HERC2: variants seen among roughly 807,000 people sequenced by gnomAD.
HERC2 encodes the protein E3 ubiquitin-protein ligase HERC2.
A neutral mutation model predicts 537.7 loss-of-function variants in HERC2; 102 were observed. The observed-to-expected ratio is 0.19, with a 90% CI of 0.16 to 0.22. The LOEUF (loss-of-function observed/expected upper bound fraction) is 0.22. HERC2 is among the 10% of genes least tolerant of loss of function. HERC2 has a pLI of 1.00. For missense variants in HERC2, 4,236 were observed against 6,198.2 expected (o/e 0.68, Z 10.63); for synonymous variants, 2,224 against 2,466.2 (o/e 0.90, Z 2.91).
chr15:28,176,617 A>G lies in HERC2; in HGVS notation c.9515-18T>C, dbSNP rs1895314899. 1.9e-6 allele frequency: 3 copies of G among 1,614,020 alleles called. No homozygotes were observed. Among genetic ancestry groups the G allele is most frequent in the Non-Finnish European group, 2.5e-6 (3 of 1,179,970 alleles). ...TACCAAACCTAGGTTTAAGAAACACATATACTTCAGGCCAGCGTTTCATAT... is the reference window on the plus strand; with the variant it reads ...TACCAAACCTAGGTTTAAGAAACACGTATACTTCAGGCCAGCGTTTCATAT... On this transcript the variant is annotated intron_variant, in intron 62 of 92. Coordinates refer to ENST00000261609, the MANE Select transcript of HERC2 (RefSeq NM_004667.6). This position sits in a 1 kb window ranked among gnomAD's most constrained non-coding sequence, Gnocchi z 5.0.
Position 28,141,781 on chromosome 15 carries a change from A to G in HERC2, c.11766T>C (p.His3922=). The change falls in exon 77 of 93, where the codon CAT becomes CAC. Residue 3922 remains histidine, a synonymous_variant. Transcript: ENST00000261609. ...SENMDVLHES[H]DIFKREQDEQ... is the part of the protein sequence containing the mutation. ...CGTCTTGCTCTCTTTTAAAAATGTC[A>G]TGGCTCTCATGCAGAACATCCATGT... 2 of 1,614,174 alleles carry G rather than the reference A, an allele frequency of 1.2e-6. No individual in the cohort carries two copies. The highest frequency in any genetic ancestry group is 1.7e-6 in the Non-Finnish European group (2 of 1,180,044).
chr15:28,312,712 G>A (rs2076980708), intron 2 of HERC2: 1 of 234,138 alleles, frequency 4.3e-6, no homozygotes, highest in South Asian at 1.5e-4. Flanking sequence ...TTCTACAACT[G>A]TCTCCAATTA....
chr15:28,210,769 G>T (rs1332407973), intron 44 of HERC2, among the ~76,000 whole-genome samples: 1 of 151,988 alleles, frequency 6.6e-6, no homozygotes, highest in Non-Finnish European at 1.5e-5. Flanking sequence ...CACTTTAAAT[G>T]GGAAGGCATG....
intron 2 of HERC2, among the ~76,000 whole-genome samples, chr15:28,309,267 C>A (rs1439240078): frequency 1.3e-5 from 2 of 152,012 alleles, no homozygotes; most frequent in Non-Finnish European, 2.9e-5. Context: ...AGTGTTGAAG[C>A]CTCCATCTAT....
rs1567080939 is a variant in HERC2, at chr15:28,257,198, T to C, written c.2380A>G (p.Ile794Val). The change falls in exon 17 of 93, where the codon ATC becomes GTC. Residue 794 changes from isoleucine to valine, a missense_variant. Transcript: ENST00000261609. ...AGCTGCTCAAAAGTCATTGAGCAGA[T>C]GTCCACCACAAAAGGGACACGGAGG... ...IGLRVPFVVD[I>V]CSMTFEQLDL... 1.2e-6 allele frequency: 2 copies of C among 1,613,982 alleles called. No individual in the cohort carries two copies. Among genetic ancestry groups the C allele is most frequent in the African/African-American group, 1.3e-5 (1 of 75,048 alleles).
chr15:28,205,041 T>G (rs183195579), intron 45 of HERC2, among the ~76,000 whole-genome samples: 2,204 of 149,532 alleles, frequency 0.015, 57 homozygotes, highest in African/African-American at 0.054. Context: ...GGGCGGGGTG[T>G]GCCACCATTG....
chr15:28,277,933 T>C (rs940401073), intron 5 of HERC2, among the ~76,000 whole-genome samples: 11 of 152,088 alleles, frequency 7.2e-5, no homozygotes, highest in African/African-American at 2.2e-4. Context: ...AGTATTTGCA[T>C]ATAACCTGTG....
intron 57 of HERC2, among the ~76,000 whole-genome samples, chr15:28,180,007 G>A (rs2140178796): frequency 6.6e-6 from 1 of 152,248 alleles, no homozygotes; most frequent in Middle Eastern, 3.4e-3. Context: ...TAAGCATATA[G>A]TGTTTCTAAA....
At chr15:28,153,151 C>G (rs1444530210) in intron 69 of HERC2, among the ~76,000 whole-genome samples, 1 of 152,152 alleles carries the variant, frequency 6.6e-6, no homozygotes, top group Non-Finnish European at 1.5e-5. Flanking sequence ...GTCAGGAGTT[C>G]GAGATCAGCC....
At chr15:28,234,010 A>G in intron 27 of HERC2, 60 bp downstream of exon 27, 1 of 650,886 alleles carries the variant, frequency 1.5e-6, no homozygotes, top group Non-Finnish European at 2.8e-6. Context: ...AAGTATTCCT[A>G]TGTCAAAGTC....
chr15:28,286,177 G>C (rs1346609228), intron 4 of HERC2, among the ~76,000 whole-genome samples: 3 of 151,978 alleles, frequency 2.0e-5, no homozygotes, highest in African/African-American at 2.4e-5. Context: ...ATTTTAAGAA[G>C]CTACTATTAA....
intron 23 of HERC2, among the ~76,000 whole-genome samples, chr15:28,245,624 C>G (rs1903623363): frequency 1.3e-5 from 2 of 150,348 alleles, no homozygotes; most frequent in Admixed American, 6.7e-5. Flanking sequence ...TATACACACA[C>G]ATATATGTAC....
intron 55 of HERC2, among the ~76,000 whole-genome samples, chr15:28,189,943 T>A (rs1307729144): frequency 6.6e-6 from 1 of 152,056 alleles, no homozygotes; most frequent in Non-Finnish European, 1.5e-5. Flanking sequence ...TTATCTGCTA[T>A]CATTATAATT....
intron 68 of HERC2, among the ~76,000 whole-genome samples, chr15:28,166,726 AC>A (rs1335441925): frequency 1.3e-5 from 2 of 152,042 alleles, no homozygotes; most frequent in Non-Finnish European, 2.9e-5. Context: ...AGTCCCAATG[AC>A]CGGGTCCCAG....
At position 28,220,458 on chromosome 15, in the gene HERC2, CATCCTCTGTGTCCGA is replaced by C. The variant is rs1296554646; in HGVS notation, c.5824_5838del (p.Ser1942_Asp1946del). On this transcript the variant is annotated inframe_deletion, in exon 37 of 93. Coordinates refer to ENST00000261609, the MANE Select transcript of HERC2 (RefSeq NM_004667.6). ...ACCTTCCTGAGTCACCCACCAGAGTCATCCTCTGTGTCCGAATCCTCTGCTGAGGGCTGTGCAGCA... is the reference window on the plus strand; with the variant it reads ...ACCTTCCTGAGTCACCCACCAGAGTCATCCTCTGCTGAGGGCTGTGCAGCA... The C allele has an allele frequency of 5.0e-6, 8 of 1,606,756 alleles. No individual in the cohort carries two copies. Among genetic ancestry groups the C allele is most frequent in the Non-Finnish European group, 5.9e-6 (7 of 1,179,756 alleles).
intron 12 of HERC2, among the ~76,000 whole-genome samples, chr15:28,266,909 G>C (rs559857861): frequency 6.6e-6 from 1 of 152,246 alleles, no homozygotes; most frequent in East Asian, 1.9e-4. Context: ...CTGGTTGTAT[G>C]GAAGCCTCAT....
chr15:28,273,700 A>C (rs916970439), intron 7 of HERC2, among the ~76,000 whole-genome samples: 62 of 152,168 alleles, frequency 4.1e-4, no homozygotes, highest in African/African-American at 1.4e-3. Flanking sequence ...CACAGTGCTG[A>C]CCTCTGCAAG....
At position 28,177,298 on chromosome 15, in the gene HERC2, A is replaced by T. The variant is rs1018957442; in HGVS notation, c.9254+121T>A. The T allele has an allele frequency of 3.1e-6, 4 of 1,269,844 alleles. No homozygotes were observed. Among genetic ancestry groups the T allele is most frequent in the South Asian group, 1.4e-5 (1 of 71,454 alleles). 78.7% of individuals were successfully genotyped at this position (1,269,844 alleles called of 1,614,324 possible). ...AAACACAAACAACCGTGTTAAAAAAATTTTGTTTAAGAACCATTTCTATAA... is the reference window on the plus strand; with the variant it reads ...AAACACAAACAACCGTGTTAAAAAATTTTTGTTTAAGAACCATTTCTATAA... On this transcript the variant is annotated intron_variant, in intron 60 of 92. Coordinates refer to ENST00000261609, the MANE Select transcript of HERC2 (RefSeq NM_004667.6). This position sits in a 1 kb window ranked among gnomAD's most constrained non-coding sequence, Gnocchi z 5.0.
rs36068402 is a variant in HERC2 at position 28,129,780 on chromosome 15, C to CTTTTTTTTTT, written c.12802+373_12802+382dup. ...AGGACACAGTATAAGCCTCTGCCTC[C>CTTTTTTTTTT]TTTTTTTTTTTTTTTTTGAGACAGT... is the stretch of plus-strand genomic sequence containing the variant. On this transcript the variant is annotated intron_variant, in intron 83 of 92. Transcript: ENST00000261609. 2.8e-5 allele frequency among the ~76,000 whole-genome samples: 4 copies of CTTTTTTTTTT among 143,552 alleles called. 2 individuals are homozygous for CTTTTTTTTTT. The highest frequency in any genetic ancestry group is 3.0e-5 in the Non-Finnish European group (2 of 65,892). 94.2% of individuals were successfully genotyped at this position (143,552 alleles called of 152,430 possible).
Sources: gnomAD v4.1 joint callset for allele counts (sites outside exome capture counted in the v4.1 genomes callset) on GRCh38, gnomAD v4.1.1 for gene constraint, Gnocchi (gnomAD v3.1) non-coding constraint, MANE v1.5 for transcripts, NCBI Gene and HGNC (gene_info 2026-07-23, HGNC 2026-07-21) for gene names.